Variants in KLHL6 observed in about 807,000 individuals in gnomAD.
The protein encoded by KLHL6 is kelch-like protein 6.
KLHL6 carries 41 observed loss-of-function variants against 58.6 expected under a neutral mutation model. The observed-to-expected ratio is 0.70, with a 90% confidence interval of 0.55 to 0.91. The LOEUF is 0.91. Ranked by LOEUF, KLHL6 falls within the 40% of genes least tolerant of loss-of-function variation. The pLI is 0.00. For missense variants in KLHL6, 714 were observed against 805.6 expected (o/e 0.89, Z 1.38); for synonymous variants, 338 against 322.7 (o/e 1.05, Z -0.51).
chr3:183,535,995 C>T (rs1424884982), intron 1 of KLHL6, among the ~76,000 whole-genome samples: 1 of 152,164 alleles, frequency 6.6e-6, no homozygotes, highest in East Asian at 1.9e-4. Flanking sequence ...AGGATGGTCT[C>T]GATCTCCTGA....
At chr3:183,495,301 T>G (rs988347174) in intron 4 of KLHL6, among the ~76,000 whole-genome samples, 6 of 152,216 alleles carry the variant, frequency 3.9e-5, no homozygotes, top group Non-Finnish European at 7.3e-5. Flanking sequence ...GTGGTGGTTT[T>G]GTTTTCTTTC....
chr3:183,523,989 G>C (rs1711861020), intron 2 of KLHL6, among the ~76,000 whole-genome samples: 1 of 152,114 alleles, frequency 6.6e-6, no homozygotes. Context: ...TGGAACTCCT[G>C]ACATCAGGTG....
At chr3:183,554,468 A>G (rs574732574) in intron 1 of KLHL6, among the ~76,000 whole-genome samples, 14 of 152,324 alleles carry the variant, frequency 9.2e-5, no homozygotes, top group African/African-American at 2.9e-4. Flanking sequence ...TGACTTGCCT[A>G]AAGTTTCACT....
chr3:183,517,915 T>C (rs1560100374), intron 2 of KLHL6, among the ~76,000 whole-genome samples: 1 of 152,112 alleles, frequency 6.6e-6, no homozygotes. Context: ...GGAGCAGGAA[T>C]GGAAGCAGAA....
rs750315891 is a variant in KLHL6 at position 183,527,890 on chromosome 3, G to C, written c.414C>G (p.Thr138=). The C allele has an allele frequency of 3.1e-6, 5 of 1,614,040 alleles. No individual in the cohort carries two copies. The highest frequency in any genetic ancestry group is 4.2e-6 in the Non-Finnish European group (5 of 1,179,990). The change falls in exon 2 of 7, where the codon ACC becomes ACG. Residue 138 remains threonine, a synonymous_variant. Coordinates refer to ENST00000341319, the MANE Select transcript of KLHL6 (RefSeq NM_130446.4). Reference sequence around the variant, plus strand: ...CCAGGACCCGCTGGACATTCTGCTTGGTGATCAGCGCCTTGCTGGTGTACG... The same window carrying C: ...CCAGGACCCGCTGGACATTCTGCTTCGTGATCAGCGCCTTGCTGGTGTACG... The part of the protein sequence containing the change: ...DYTYTSKALI[T]KQNVQRVLEA...
At chr3:183,510,804 C>T (rs1267343392) in intron 2 of KLHL6, among the ~76,000 whole-genome samples, 3 of 151,956 alleles carry the variant, frequency 2.0e-5, no homozygotes, top group African/African-American at 7.2e-5. Flanking sequence ...ACCTGGGAGG[C>T]GGAGGTTGCG....
At chr3:183,514,711 C>T (rs1711512594) in intron 2 of KLHL6, among the ~76,000 whole-genome samples, 1 of 151,706 alleles carries the variant, frequency 6.6e-6, no homozygotes, top group Admixed American at 6.6e-5. Flanking sequence ...TCTTGTTGCC[C>T]AGGCTGGAGT....
intron 1 of KLHL6, among the ~76,000 whole-genome samples, chr3:183,529,228 T>C (rs1348349512): frequency 6.6e-6 from 1 of 152,058 alleles, no homozygotes; most frequent in East Asian, 1.9e-4. Flanking sequence ...GATTAAATAA[T>C]CTGTACAACA....
At chr3:183,506,696 C>A (rs1233529488) in intron 3 of KLHL6, among the ~76,000 whole-genome samples, 1 of 151,960 alleles carries the variant, frequency 6.6e-6, no homozygotes, top group African/African-American at 2.4e-5. Flanking sequence ...GGTGTGGTAG[C>A]ACATGCCTGT....
chr3:183,543,392 A>G (rs1195776553), intron 1 of KLHL6, among the ~76,000 whole-genome samples: 1 of 151,876 alleles, frequency 6.6e-6, no homozygotes, highest in Non-Finnish European at 1.5e-5. Flanking sequence ...AGGAGTGAGG[A>G]TTTTCATAGC....
chr3:183,539,163 T>A (rs892276302), intron 1 of KLHL6, among the ~76,000 whole-genome samples: 1 of 152,220 alleles, frequency 6.6e-6, no homozygotes, highest in African/African-American at 2.4e-5. Flanking sequence ...GGAGACTGAA[T>A]GAAGATCAAG....
At chr3:183,515,465 T>C (rs565216217) in intron 2 of KLHL6, among the ~76,000 whole-genome samples, 18 of 152,272 alleles carry the variant, frequency 1.2e-4, no homozygotes, top group South Asian at 2.1e-4. Flanking sequence ...GGAGGATTGC[T>C]TGAGCCTGGG....
chr3:183,549,858 T>G (rs1299554578), intron 1 of KLHL6, among the ~76,000 whole-genome samples: 2 of 152,130 alleles, frequency 1.3e-5, no homozygotes, highest in Admixed American at 6.6e-5. Flanking sequence ...GAGGATCCCT[T>G]GAGCCCAGGA....
intron 2 of KLHL6, among the ~76,000 whole-genome samples, chr3:183,519,044 G>A (rs537635052): frequency 1.3e-5 from 2 of 152,186 alleles, no homozygotes; most frequent in Non-Finnish European, 2.9e-5. Flanking sequence ...CTTGATCGCC[G>A]AGCTGAAAGC....
chr3:183,535,996 G>A (rs569064025), intron 1 of KLHL6, among the ~76,000 whole-genome samples: 2 of 152,214 alleles, frequency 1.3e-5, no homozygotes, highest in South Asian at 4.2e-4. Flanking sequence ...GGATGGTCTC[G>A]ATCTCCTGAC....
At chr3:183,502,489 A>C (rs1003395536) in intron 3 of KLHL6, among the ~76,000 whole-genome samples, 1 of 152,150 alleles carries the variant, frequency 6.6e-6, no homozygotes, top group Non-Finnish European at 1.5e-5. Flanking sequence ...TTACAGCAGA[A>C]GTGATGATAC....
chr3:183,551,562 T>C (rs75154395), intron 1 of KLHL6, among the ~76,000 whole-genome samples: 1,706 of 152,324 alleles, frequency 0.011, 25 homozygotes, highest in African/African-American at 0.039. Context: ...AACATAATAA[T>C]GTAAACTCTT....
intron 2 of KLHL6, among the ~76,000 whole-genome samples, chr3:183,512,241 C>T (rs1718210420): frequency 6.6e-6 from 1 of 152,054 alleles, no homozygotes; most frequent in African/African-American, 2.4e-5. Context: ...ACCATGCCAG[C>T]GTTTGCGTGA....
Position 183,492,267 on chromosome 3 carries a change from T to G in KLHL6, c.1565-39A>C. 1 of 1,520,508 alleles carries G rather than the reference T, an allele frequency of 6.6e-7. No individual in the cohort carries two copies. Among genetic ancestry groups the G allele is most frequent in the Non-Finnish European group, 8.9e-7 (1 of 1,128,730 alleles). The allele number at this position is 1,520,508 out of a possible 1,614,324, so 94.2% of individuals were successfully genotyped here. A position where few individuals can be genotyped will look rare whatever the true frequency, so the allele number is the denominator to read the frequency against. On this transcript the variant is annotated intron_variant, in intron 6 of 6. Coordinates refer to ENST00000341319, the MANE Select transcript of KLHL6 (RefSeq NM_130446.4). This position sits in a 1 kb window ranked among gnomAD's most constrained non-coding sequence, Gnocchi z 5.9. ...GGAAACACGGTGGGCATCGCTCCAT[T>G]TTTCTGGTTTCTTCCCTCTTAACCA...
Sources: allele counts gnomAD v4.1 joint callset (sites outside exome capture counted in the v4.1 genomes callset), GRCh38; gene constraint gnomAD v4.1.1; non-coding constraint Gnocchi (gnomAD v3.1); transcripts MANE v1.5; gene names NCBI Gene and HGNC (gene_info 2026-07-23, HGNC 2026-07-21).